The following FRMD5 variants were observed in gnomAD, a reference collection of about 807,000 sequenced individuals.
FRMD5 encodes FERM domain-containing protein 5.
FRMD5 carries 20 observed loss-of-function variants against 69.0 expected under a neutral mutation model. That is an observed-to-expected ratio of 0.29 (90% CI 0.20 to 0.42). The LOEUF (loss-of-function observed/expected upper bound fraction) is 0.42. Ranked by LOEUF, FRMD5 falls within the 10% of genes least tolerant of loss-of-function variation. The pLI, the probability that FRMD5 is intolerant of heterozygous loss-of-function variation, is 1.00. For synonymous variants in FRMD5, 271 were observed against 260.1 expected (o/e 1.04, Z -0.40); for missense variants, 595 against 708.6 (o/e 0.84, Z 1.82).
chr15:44,185,481 T>G (rs992199444), intron 1 of FRMD5, among the ~76,000 whole-genome samples: 2 of 152,106 alleles, frequency 1.3e-5, no homozygotes, highest in African/African-American at 4.8e-5. Flanking sequence ...CATAATAACT[T>G]TGGGGCCTTT....
At chr15:44,074,959 CTCTGAGCTATAAGGTG>C (rs1893696751) in intron 1 of FRMD5, among the ~76,000 whole-genome samples, 1 of 152,134 alleles carries the variant, frequency 6.6e-6, no homozygotes, top group Non-Finnish European at 1.5e-5. Flanking sequence ...ATTGGGGTCC[CTCTGAGCTATAAGGTG>C]AAGCTAGTGC....
At chr15:44,117,071 C>T (rs966100978) in intron 1 of FRMD5, among the ~76,000 whole-genome samples, 2 of 151,156 alleles carry the variant, frequency 1.3e-5, no homozygotes, top group Admixed American at 6.6e-5. Context: ...CACCATTGCA[C>T]TCCAGCCTGA....
chr15:44,118,557 G>A (rs1338389522), intron 1 of FRMD5, among the ~76,000 whole-genome samples: 2 of 152,130 alleles, frequency 1.3e-5, no homozygotes, highest in African/African-American at 4.8e-5. Flanking sequence ...CTATGAACCT[G>A]TCTTCTTTTC....
chr15:43,895,845 C>T (rs1421402145), intron 7 of FRMD5, among the ~76,000 whole-genome samples: 1 of 152,208 alleles, frequency 6.6e-6, no homozygotes, highest in Non-Finnish European at 1.5e-5. Context: ...TACAAGCAGG[C>T]AGCCACACTG....
intron 1 of FRMD5, among the ~76,000 whole-genome samples, chr15:43,993,536 GA>G (rs556449240): frequency 1.1e-4 from 17 of 152,326 alleles, no homozygotes; most frequent in Middle Eastern, 3.4e-3. Flanking sequence ...GTGTGCTAGA[GA>G]AGAATGTATA....
intron 1 of FRMD5, among the ~76,000 whole-genome samples, chr15:44,010,400 CTTTTT>C (rs5812260): frequency 7.1e-6 from 1 of 139,962 alleles, no homozygotes; most frequent in African/African-American, 2.6e-5. Flanking sequence ...TTTTCCTTTT[CTTTTT>C]TTTTTTTTTT....
intron 13 of FRMD5, chr15:43,875,805 T>TTTTTTTTGTTTTTTTTTG: frequency 8.2e-6 from 1 of 121,642 alleles, no homozygotes; most frequent in African/African-American, 1.3e-4. Flanking sequence ...CTGGGCCTAG[T>TTTTTTTTGTTTTTTTTTG]TTTTTTTTTT....
chr15:43,969,423 G>A (rs1210969439), intron 1 of FRMD5, among the ~76,000 whole-genome samples: 1 of 152,072 alleles, frequency 6.6e-6, no homozygotes, highest in Admixed American at 6.6e-5. Flanking sequence ...TTACAGCCAT[G>A]CACATTCATT....
At chr15:44,197,519 T>C (rs2078320673), upstream of FRMD5, among the ~76,000 whole-genome samples, 1 of 150,460 alleles carries the variant, frequency 6.6e-6, no homozygotes, top group Non-Finnish European at 1.5e-5. Flanking sequence ...CTGTCTCTAC[T>C]GAAAATACAA....
chr15:43,987,343 G>C (rs548943268), intron 1 of FRMD5, among the ~76,000 whole-genome samples: 1 of 152,174 alleles, frequency 6.6e-6, no homozygotes, highest in Non-Finnish European at 1.5e-5. Flanking sequence ...GATATTCAAA[G>C]TGCTACTCCA....
chr15:43,956,825 T>C (rs147578204), intron 1 of FRMD5, among the ~76,000 whole-genome samples: 1 of 152,362 alleles, frequency 6.6e-6, no homozygotes, highest in East Asian at 1.9e-4. Flanking sequence ...CTGATGTTCA[T>C]TGATAGCTGG....
intron 1 of FRMD5, among the ~76,000 whole-genome samples, chr15:44,047,909 A>T (rs1323656871): frequency 1.9e-4 from 29 of 152,198 alleles, no homozygotes; most frequent in Admixed American, 1.9e-3. Context: ...TTGCAAAATC[A>T]TATTCTATTA....
chr15:44,144,801 C>G (rs769460336), intron 1 of FRMD5, among the ~76,000 whole-genome samples: 28 of 152,172 alleles, frequency 1.8e-4, no homozygotes, highest in Admixed American at 5.9e-4. Context: ...CGGAGTGAGT[C>G]AAGTCCTTCC....
chr15:43,923,744 G>A (rs1043727425), intron 2 of FRMD5, among the ~76,000 whole-genome samples: 1 of 152,216 alleles, frequency 6.6e-6, no homozygotes, highest in African/African-American at 2.4e-5. Context: ...GTAGAGCAGA[G>A]CAAGAACTGC....
chr15:43,878,404 C>CATCT (rs1208822725), intron 13 of FRMD5, among the ~76,000 whole-genome samples: 2 of 152,182 alleles, frequency 1.3e-5, no homozygotes, highest in Admixed American at 6.5e-5. Flanking sequence ...CAACAGCCAG[C>CATCT]ATCTACCTTA....
chr15:44,032,064 T>C (rs1891707753), intron 1 of FRMD5, among the ~76,000 whole-genome samples: 1 of 152,178 alleles, frequency 6.6e-6, no homozygotes, highest in Non-Finnish European at 1.5e-5. Flanking sequence ...TATGACCATC[T>C]GATCTTCAAC....
intron 11 of FRMD5, 63 bp from the exon 12 acceptor site, chr15:43,884,858 T>TC: frequency 5.0e-6 from 7 of 1,388,630 alleles, no homozygotes; most frequent in African/African-American, 1.4e-5. Context: ...ACAGCTCCTC[T>TC]CCAAGATCTT....
chr15:43,983,242 AT>A (rs1398427753), intron 1 of FRMD5, among the ~76,000 whole-genome samples: 1 of 152,054 alleles, frequency 6.6e-6, no homozygotes, highest in Non-Finnish European at 1.5e-5. Flanking sequence ...CAATCTTCTA[AT>A]TTTTAAAGAT....
intron 1 of FRMD5, among the ~76,000 whole-genome samples, chr15:44,010,396 TTTTC>T (rs1890658061): frequency 5.6e-5 from 3 of 53,334 alleles, no homozygotes; most frequent in Admixed American, 6.0e-4. Context: ...TCTTTTTTCC[TTTTC>T]TTTTTTTTTT....
Sources: allele counts gnomAD v4.1 joint callset (sites outside exome capture counted in the v4.1 genomes callset), GRCh38; gene constraint gnomAD v4.1.1; transcripts MANE v1.5; gene names NCBI Gene and HGNC (gene_info 2026-07-23, HGNC 2026-07-21).